DOCK7: variants seen among roughly 807,000 people sequenced by gnomAD.
DOCK7 encodes the protein dedicator of cytokinesis protein 7.
DOCK7 carries 138 observed loss-of-function variants against 271.0 expected under a neutral mutation model. The observed-to-expected ratio is 0.51, with a 90% CI of 0.44 to 0.59. The LOEUF (loss-of-function observed/expected upper bound fraction) is 0.59. Among genes scored for constraint, DOCK7 ranks in the 20% least tolerant of loss-of-function variants. The probability of loss-of-function intolerance (pLI) is 0.00; values close to 1 mark genes in which losing one functional copy is unlikely to be tolerated. For synonymous variants in DOCK7, 823 were observed against 876.1 expected (o/e 0.94, Z 1.07); for missense variants, 2,066 against 2,592.4 (o/e 0.80, Z 4.41).
chr1:62,619,548 A>G (rs1652881650), intron 13 of DOCK7, among the ~76,000 whole-genome samples: 1 of 152,240 alleles, frequency 6.6e-6, no homozygotes. Flanking sequence ...CAGAGCAATT[A>G]TAACAATATA....
intron 45 of DOCK7, 42 bp from the exon 46 acceptor site, chr1:62,475,985 A>C: frequency 6.2e-7 from 1 of 1,604,052 alleles, no homozygotes; most frequent in Non-Finnish European, 8.5e-7. Flanking sequence ...CTGTTAAGTC[A>C]TCATTTAGTC....
rs752930988 is a variant in DOCK7 at position 62,494,392 on chromosome 1, T to C, written c.5100A>G (p.Glu1700=). The change falls in exon 40 of 50, where the codon GAA becomes GAG. Residue 1700 remains glutamate (E), a synonymous_variant. Transcript: ENST00000635253. ...GTGCAGCTTCAGCATGATTGCTTCG[T>C]TCTGAGTGCTTGCCTGCCATGTTCT... The part of the protein sequence containing the change: ...WLQNMAGKHS[E]RSNHAEAAQC... The C allele has an allele frequency of 1.9e-6, 3 of 1,613,450 alleles. No homozygotes were observed. Among genetic ancestry groups the C allele is most frequent in the Non-Finnish European group, 2.5e-6 (3 of 1,179,504 alleles).
At chr1:62,480,118 T>C (rs1442898013) in intron 43 of DOCK7, among the ~76,000 whole-genome samples, 4 of 152,234 alleles carry the variant, frequency 2.6e-5, no homozygotes, top group African/African-American at 9.6e-5. Context: ...TTTCCAGTTT[T>C]CAATCTTCAT....
intron 15 of DOCK7, chr1:62,584,394 A>C: frequency 3.0e-6 from 3 of 989,906 alleles, no homozygotes; most frequent in Non-Finnish European, 3.6e-6. Flanking sequence ...CTTAGGACCC[A>C]TTTAAACAGC....
intron 29 of DOCK7, among the ~76,000 whole-genome samples, chr1:62,531,640 T>G (rs1443547358): frequency 6.6e-6 from 1 of 152,228 alleles, no homozygotes; most frequent in African/African-American, 2.4e-5. Flanking sequence ...CTTTCATTAA[T>G]TATAGAACAT....
intron 48 of DOCK7, among the ~76,000 whole-genome samples, chr1:62,462,074 A>G (rs1205448919): frequency 6.6e-6 from 1 of 151,934 alleles, no homozygotes; most frequent in Non-Finnish European, 1.5e-5. Context: ...TCATCTCAAA[A>G]AAAAAAAAAA....
At chr1:62,615,094 T>C (rs1652281093) in intron 14 of DOCK7, among the ~76,000 whole-genome samples, 1 of 151,878 alleles carries the variant, frequency 6.6e-6, no homozygotes. Context: ...ACACATATAG[T>C]CGTACCATTT....
chr1:62,686,165 T>A (rs373594458), intron 1 of DOCK7, among the ~76,000 whole-genome samples: 1,211 of 1,490 alleles, frequency 0.81, 568 homozygotes, highest in Non-Finnish European at 1. Context: ...AACTTTTTTT[T>A]TTTTTTTTTT....
At chr1:62,558,252 T>C (rs778453123) in intron 20 of DOCK7, among the ~76,000 whole-genome samples, 5 of 152,138 alleles carry the variant, frequency 3.3e-5, no homozygotes, top group Non-Finnish European at 5.9e-5. Context: ...GGAATAATAT[T>C]TACCTGTCAG....
intron 1 of DOCK7, among the ~76,000 whole-genome samples, chr1:62,681,430 C>T (rs1661136711): frequency 6.6e-6 from 1 of 150,632 alleles, no homozygotes; most frequent in Admixed American, 6.6e-5. Context: ...GATATACCTA[C>T]TGTAAATGAC....
At chr1:62,455,767 G>A (rs1645329991) in intron 49 of DOCK7, among the ~76,000 whole-genome samples, 1 of 152,148 alleles carries the variant, frequency 6.6e-6, no homozygotes, top group African/African-American at 2.4e-5. Flanking sequence ...AAGATTTGGG[G>A]TTTTTTACAC....
chr1:62,533,233 A>C lies in DOCK7; in HGVS notation c.3611+2260T>G, dbSNP rs574746969. On this transcript the variant is annotated intron_variant, in intron 29 of 49. Transcript: ENST00000635253. ...AAATCCTATCTTTCTTCCAATTTTGAAATAGTAAATTTCCTTCCTTTAATA... is the reference window on the plus strand; with the variant it reads ...AAATCCTATCTTTCTTCCAATTTTGCAATAGTAAATTTCCTTCCTTTAATA... Among the ~76,000 whole-genome samples the C allele has an allele frequency of 6.6e-5, 10 of 152,246 alleles. No individual in the cohort carries two copies. The South Asian group carries it at 1.0e-3, about 16-fold the overall frequency.
chr1:62,649,447 G>C (rs1657069291), intron 4 of DOCK7, among the ~76,000 whole-genome samples: 2 of 152,088 alleles, frequency 1.3e-5, no homozygotes, highest in Admixed American at 1.3e-4. Flanking sequence ...AAGAACTAAA[G>C]ACACTCAATA....
At chr1:62,584,571 CTTG>C (rs1647279038) in intron 15 of DOCK7, 1 of 1,195,438 alleles carries the variant, frequency 8.4e-7, no homozygotes, top group Non-Finnish European at 1.0e-6. Flanking sequence ...CACAAAATAA[CTTG>C]TTTATTTTCA....
intron 43 of DOCK7, chr1:62,486,352 T>C (rs930328875): frequency 1.6e-4 from 25 of 152,028 alleles, no homozygotes; most frequent in African/African-American, 5.5e-4. Flanking sequence ...AAAACAAGGA[T>C]TGCAATGCAA....
chr1:62,623,010 G>A (rs1653479732), intron 12 of DOCK7, among the ~76,000 whole-genome samples: 1 of 152,156 alleles, frequency 6.6e-6, no homozygotes, highest in Non-Finnish European at 1.5e-5. Flanking sequence ...TTAGGCTCAA[G>A]CGACCCCCCA....
At chr1:62,541,296 T>C (rs1296254131) in intron 25 of DOCK7, among the ~76,000 whole-genome samples, 1 of 152,232 alleles carries the variant, frequency 6.6e-6, no homozygotes, top group African/African-American at 2.4e-5. Flanking sequence ...AGGGCAGTAC[T>C]GGCATATTGT....
intron 1 of DOCK7, among the ~76,000 whole-genome samples, chr1:62,680,073 T>A (rs894027031): frequency 6.6e-6 from 1 of 152,218 alleles, no homozygotes; most frequent in Admixed American, 6.5e-5. Context: ...AGGGCCCACA[T>A]TGCCAAGTCA....
chr1:62,600,844 C>A (rs1038589701), intron 14 of DOCK7, among the ~76,000 whole-genome samples: 1 of 151,746 alleles, frequency 6.6e-6, no homozygotes, highest in African/African-American at 2.4e-5. Context: ...TGTTTTCCGA[C>A]CAATGTCTGC....
Sources: gnomAD v4.1 joint callset for allele counts (sites outside exome capture counted in the v4.1 genomes callset) on GRCh38, gnomAD v4.1.1 for gene constraint, MANE v1.5 for transcripts, NCBI Gene and HGNC (gene_info 2026-07-23, HGNC 2026-07-21) for gene names.